Variants in KCNIP4 observed in about 807,000 individuals in gnomAD.
KCNIP4 encodes potassium voltage-gated channel interacting protein 4.
A neutral mutation model predicts 34.0 loss-of-function variants in KCNIP4; 12 were observed. The ratio of observed to expected loss-of-function variants is 0.35; its 90% CI spans 0.23 to 0.57. KCNIP4 has a LOEUF of 0.57. KCNIP4 is among the 20% of genes least tolerant of loss of function. KCNIP4 has a pLI of 0.83. For synonymous variants in KCNIP4, 124 were observed against 102.2 expected, an observed-to-expected ratio of 1.21 and a Z score of -1.29; for missense variants, 238 against 311.7, an observed-to-expected ratio of 0.76 and a Z score of 1.78.
At chr4:21,944,665 A>C (rs1023372362) in intron 1 of KCNIP4, among the ~76,000 whole-genome samples, 11 of 152,144 alleles carry the variant, frequency 7.2e-5, no homozygotes. Flanking sequence ...TGTTGAGCAA[A>C]TATTACAAGT....
intron 5 of KCNIP4, among the ~76,000 whole-genome samples, chr4:20,745,796 C>T (rs2149323193): frequency 6.6e-6 from 1 of 152,194 alleles, no homozygotes; most frequent in Middle Eastern, 3.4e-3. Flanking sequence ...GGGGACAATC[C>T]TCCTGACTCC....
At chr4:21,136,908 C>T (rs1207254049) in intron 1 of KCNIP4, among the ~76,000 whole-genome samples, 1 of 152,136 alleles carries the variant, frequency 6.6e-6, no homozygotes, top group South Asian at 2.1e-4. Flanking sequence ...CCAACAAGAC[C>T]TCTCGTACCT....
intron 3 of KCNIP4, among the ~76,000 whole-genome samples, chr4:20,807,325 G>T (rs528073220): frequency 6.6e-6 from 1 of 152,210 alleles, no homozygotes; most frequent in East Asian, 1.9e-4. Flanking sequence ...AAACATTAGT[G>T]CAAAGACAAG....
At chr4:21,817,661 C>T (rs755453899) in intron 1 of KCNIP4, among the ~76,000 whole-genome samples, 7 of 152,042 alleles carry the variant, frequency 4.6e-5, no homozygotes, top group African/African-American at 1.2e-4. Context: ...GGTCTATAAA[C>T]GGCTGCTCTG....
At chr4:20,756,357 C>T (rs1001969850) in intron 4 of KCNIP4, among the ~76,000 whole-genome samples, 1 of 152,152 alleles carries the variant, frequency 6.6e-6, no homozygotes, top group Non-Finnish European at 1.5e-5. Context: ...ACTATCCCAT[C>T]GCATCACTAT....
intron 1 of KCNIP4, among the ~76,000 whole-genome samples, chr4:20,966,579 T>C: frequency 6.6e-6 from 1 of 152,206 alleles, no homozygotes; most frequent in East Asian, 1.9e-4. Flanking sequence ...TGTAGTCAAG[T>C]TACTTAGCAA....
rs926693542 is a variant in KCNIP4 at position 21,682,244 on chromosome 4, G to T, written c.61+266327C>A. The stretch of plus-strand genomic sequence containing the variant: ...CTATTGCAAAAACCCACACACTATT[G>T]TGAGAACAGTACCAAGGGGATGGTG... On this transcript the variant is annotated intron_variant, in intron 1 of 8. Transcript: ENST00000382152. 2.0e-5 allele frequency among the ~76,000 whole-genome samples: 3 copies of T among 152,098 alleles called. No homozygotes were observed. In the South Asian group the frequency reaches 6.2e-4, roughly 31 times the overall value.
At chr4:21,757,162 AGAAAGAAGGAAGGAAG>A (rs1717632995) in intron 1 of KCNIP4, among the ~76,000 whole-genome samples, 2 of 30,062 alleles carry the variant, frequency 6.7e-5, no homozygotes, top group Non-Finnish European at 1.3e-4. Context: ...AAAGAAAGAA[AGAAAGAAGGAAGGAAG>A]GAAGGAAGGA....
At chr4:20,935,222 C>G (rs1484199039) in intron 1 of KCNIP4, among the ~76,000 whole-genome samples, 1 of 152,166 alleles carries the variant, frequency 6.6e-6, no homozygotes, top group African/African-American at 2.4e-5. Context: ...ATTCCACTAA[C>G]TAGAGAGACT....
At chr4:20,753,488 A>G (rs921469812) in intron 4 of KCNIP4, among the ~76,000 whole-genome samples, 1 of 152,186 alleles carries the variant, frequency 6.6e-6, no homozygotes, top group Non-Finnish European at 1.5e-5. Context: ...AAGTAACCCT[A>G]GAGTTCGTTC....
chr4:21,605,372 T>C (rs955144295), intron 1 of KCNIP4, among the ~76,000 whole-genome samples: 2 of 152,154 alleles, frequency 1.3e-5, no homozygotes, highest in Non-Finnish European at 2.9e-5. Context: ...TTAAAGTGAG[T>C]CCTTATTGAG....
intron 1 of KCNIP4, among the ~76,000 whole-genome samples, chr4:21,733,821 A>G (rs1265853460): frequency 6.6e-6 from 1 of 152,182 alleles, no homozygotes; most frequent in Non-Finnish European, 1.5e-5. Context: ...ATTCTATTTC[A>G]TATTCCCTAC....
At chr4:20,783,424 A>G (rs969299210) in intron 3 of KCNIP4, among the ~76,000 whole-genome samples, 11 of 152,204 alleles carry the variant, frequency 7.2e-5, no homozygotes, top group African/African-American at 2.7e-4. Context: ...ACAGTTCCAC[A>G]TGGCTGGGGA....
intron 1 of KCNIP4, among the ~76,000 whole-genome samples, chr4:21,613,132 T>C (rs1744292660): frequency 6.6e-6 from 1 of 152,196 alleles, no homozygotes. Flanking sequence ...TCCAGTGTAT[T>C]CATTATGGTA....
At chr4:21,944,163 G>A (rs1730360222) in intron 1 of KCNIP4, among the ~76,000 whole-genome samples, 1 of 152,014 alleles carries the variant, frequency 6.6e-6, no homozygotes, top group African/African-American at 2.4e-5. Context: ...ACTTTGATTA[G>A]GAAGAGAGTA....
intron 1 of KCNIP4, among the ~76,000 whole-genome samples, chr4:21,229,687 G>A (rs1201105548): frequency 6.6e-6 from 1 of 152,126 alleles, no homozygotes. Flanking sequence ...ATGACCATGT[G>A]TTCAGGGAGT....
intron 1 of KCNIP4, among the ~76,000 whole-genome samples, chr4:21,348,177 CT>C (rs1717651166): frequency 6.6e-6 from 1 of 152,090 alleles, no homozygotes; most frequent in Non-Finnish European, 1.5e-5. Flanking sequence ...ATTTTTTTCC[CT>C]CTTGACTAGG....
chr4:20,938,225 TCAC>T (rs1731278013), intron 1 of KCNIP4, among the ~76,000 whole-genome samples: 1 of 151,250 alleles, frequency 6.6e-6, no homozygotes, highest in African/African-American at 2.4e-5. Context: ...CAGCATCAGT[TCAC>T]CACTCAATTA....
intron 1 of KCNIP4, among the ~76,000 whole-genome samples, chr4:21,484,322 G>A (rs1375898302): frequency 6.6e-6 from 1 of 152,046 alleles, no homozygotes; most frequent in Admixed American, 6.6e-5. Context: ...AGCTACTCAG[G>A]AGGCTGAGGC....
Sources: allele counts gnomAD v4.1 joint callset (sites outside exome capture counted in the v4.1 genomes callset), GRCh38; gene constraint gnomAD v4.1.1; transcripts MANE v1.5; gene names NCBI Gene and HGNC (gene_info 2026-07-23, HGNC 2026-07-21).